LRBA: variants seen among roughly 807,000 people sequenced by gnomAD.
LRBA encodes lipopolysaccharide-responsive and beige-like anchor protein.
In LRBA, 176 loss-of-function variants were observed where a neutral mutation model predicts 330.0. The ratio of observed to expected loss-of-function variants is 0.53; its 90% CI spans 0.47 to 0.60. LRBA has a LOEUF of 0.60. Among genes scored for constraint, LRBA ranks in the 20% least tolerant of loss-of-function variants. The pLI is 0.00. For missense variants in LRBA, 3,259 were observed against 3,444.8 expected, an observed-to-expected ratio of 0.95 and a Z score of 1.35; for synonymous variants, 1,230 against 1,193.0, an observed-to-expected ratio of 1.03 and a Z score of -0.64.
At chr4:150,613,454 C>A (rs760910582) in intron 37 of LRBA, among the ~76,000 whole-genome samples, 1 of 152,084 alleles carries the variant, frequency 6.6e-6, no homozygotes, top group Non-Finnish European at 1.5e-5. Flanking sequence ...TTAGCAAAGC[C>A]AAACAAGTAA....
intron 47 of LRBA, among the ~76,000 whole-genome samples, chr4:150,401,806 G>T (rs759584515): frequency 6.6e-6 from 1 of 151,952 alleles, no homozygotes; most frequent in African/African-American, 2.4e-5. Flanking sequence ...AGACCATGAA[G>T]TATGTAACTT....
intron 48 of LRBA, among the ~76,000 whole-genome samples, chr4:150,337,500 T>G (rs950490812): frequency 6.6e-6 from 1 of 152,198 alleles, no homozygotes; most frequent in Non-Finnish European, 1.5e-5. Context: ...ATTGTGGTTT[T>G]GAAGTAAAAG....
At chr4:150,351,667 T>C (rs572882046) in intron 47 of LRBA, among the ~76,000 whole-genome samples, 8 of 152,188 alleles carry the variant, frequency 5.3e-5, no homozygotes, top group Admixed American at 3.9e-4. Context: ...CCAGCCTGGG[T>C]GACAGAGTGA....
At chr4:150,310,407 C>A in intron 51 of LRBA, 23 bp from the exon 52 acceptor site, 1 of 1,596,168 alleles carries the variant, frequency 6.3e-7, no homozygotes, top group South Asian at 1.1e-5. Flanking sequence ...GGAGGAAAAA[C>A]AACTATTAAA....
At position 150,596,623 on chromosome 4, in the gene LRBA, C is replaced by T. The variant is rs559065846; in HGVS notation, c.6046+2384G>A. 2.6e-5 allele frequency among the ~76,000 whole-genome samples: 4 copies of T among 151,910 alleles called. No homozygotes were observed. In the South Asian group the frequency reaches 8.3e-4, roughly 31 times the overall value. ...ATGTTAAAATCTGTAATTTCAACTG[C>T]TTTTTGATCACATTAACAATTTTGT... On this transcript the variant is annotated intron_variant, in intron 38 of 56. Coordinates refer to ENST00000651943, the MANE Select transcript of LRBA (RefSeq NM_001364905.1).
At chr4:150,349,155 C>T (rs747960295) in intron 48 of LRBA, among the ~76,000 whole-genome samples, 3 of 152,126 alleles carry the variant, frequency 2.0e-5, no homozygotes, top group Non-Finnish European at 4.4e-5. Context: ...TATGTACTTA[C>T]ATACCTTCCG....
At chr4:150,602,130 A>G (rs538604859) in intron 37 of LRBA, among the ~76,000 whole-genome samples, 5 of 152,338 alleles carry the variant, frequency 3.3e-5, no homozygotes, top group Non-Finnish European at 7.3e-5. Flanking sequence ...ATCCAGTTAC[A>G]ACACAATTAA....
chr4:150,571,871 T>G (rs905613432), intron 40 of LRBA, among the ~76,000 whole-genome samples: 6 of 143,902 alleles, frequency 4.2e-5, no homozygotes, highest in African/African-American at 1.5e-4. Context: ...CTGTTTAAAG[T>G]TTTTTTTTTT....
At chr4:150,776,804 C>T (rs1336719108) in intron 34 of LRBA, among the ~76,000 whole-genome samples, 3 of 150,742 alleles carry the variant, frequency 2.0e-5, no homozygotes, top group Non-Finnish European at 4.4e-5. Context: ...AGTGAGACTC[C>T]GTGTCAAAAA....
intron 36 of LRBA, among the ~76,000 whole-genome samples, chr4:150,719,449 T>C (rs1434994474): frequency 2.0e-5 from 3 of 152,132 alleles, no homozygotes; most frequent in Non-Finnish European, 4.4e-5. Context: ...TGCAATTACA[T>C]ATTTTTTCCT....
chr4:150,928,476 G>A, intron 4 of LRBA, 40 bp downstream of exon 4: 1 of 1,226,248 alleles, frequency 8.2e-7, no homozygotes, highest in African/African-American at 1.5e-5. Flanking sequence ...TTTGGGAGGA[G>A]CATACTTTAA....
chr4:150,674,203 T>C (rs534045934), intron 37 of LRBA, among the ~76,000 whole-genome samples: 36 of 151,520 alleles, frequency 2.4e-4, no homozygotes, highest in African/African-American at 8.5e-4. Context: ...TTTTTTTGCA[T>C]AAAAATGAAT....
At position 150,384,404 on chromosome 4, in the gene LRBA, G is replaced by C. The variant is rs151166330; in HGVS notation, c.7194+31034C>G. 1.6e-3 allele frequency among the ~76,000 whole-genome samples: 251 copies of C among 152,252 alleles called. 1 individual carries two copies. Among genetic ancestry groups the C allele is most frequent in the Admixed American group, 2.6e-3 (40 of 15,292 alleles). ...GATAAATAAAGCCTTCTTTTCTAAA[G>C]AGATTTAAATTCAGGACATTTAAGA... On this transcript the variant is annotated intron_variant, in intron 47 of 56. Coordinates refer to ENST00000651943, the MANE Select transcript of LRBA (RefSeq NM_001364905.1).
chr4:150,945,990 G>A (rs1561040695), intron 2 of LRBA, among the ~76,000 whole-genome samples: 1 of 152,014 alleles, frequency 6.6e-6, no homozygotes, highest in Non-Finnish European at 1.5e-5. Flanking sequence ...AGTAGAGACG[G>A]GGTTTCACCG....
chr4:150,441,932 C>CAG (rs967165354), intron 44 of LRBA, among the ~76,000 whole-genome samples: 2 of 152,010 alleles, frequency 1.3e-5, no homozygotes, highest in African/African-American at 4.8e-5. Context: ...GGCACACACA[C>CAG]AAAAAAATAC....
intron 26 of LRBA, 150 bp from the exon 27 acceptor site, chr4:150,844,929 T>C (rs1427579259): frequency 1.5e-6 from 1 of 665,546 alleles, no homozygotes; most frequent in Non-Finnish European, 2.5e-6. Flanking sequence ...CCCTAGACTT[T>C]ATCGCCTAGT....
intron 22 of LRBA, among the ~76,000 whole-genome samples, chr4:150,861,715 CAG>C (rs1456459445): frequency 6.6e-6 from 1 of 152,136 alleles, no homozygotes; most frequent in Non-Finnish European, 1.5e-5. Context: ...AAATTAACCT[CAG>C]CTTACTGTAA....
At chr4:150,423,212 C>T (rs770285354) in intron 46 of LRBA, 9 of 1,374,610 alleles carry the variant, frequency 6.5e-6, no homozygotes, top group Admixed American at 1.8e-5. Context: ...CTGGAGAAGT[C>T]GTTCACCCAA....
chr4:150,365,742 G>A (rs1739372848), intron 47 of LRBA, among the ~76,000 whole-genome samples: 1 of 139,116 alleles, frequency 7.2e-6, no homozygotes, highest in African/African-American at 2.7e-5. Flanking sequence ...GGTGAGCTGA[G>A]ATCCCACCAT....
Sources: allele counts gnomAD v4.1 joint callset (sites outside exome capture counted in the v4.1 genomes callset), GRCh38; gene constraint gnomAD v4.1.1; transcripts MANE v1.5; gene names NCBI Gene and HGNC (gene_info 2026-07-23, HGNC 2026-07-21).